CFAP410: variants seen among roughly 807,000 people sequenced by gnomAD.
CFAP410 encodes the protein cilia and flagella associated protein 410, also known as cilia- and flagella-associated protein 410.
In CFAP410, 27 loss-of-function variants were observed where a neutral mutation model predicts 25.7. The ratio of observed to expected loss-of-function variants is 1.05; its 90% CI spans 0.77 to 1.45. The LOEUF is 1.45. Among genes scored for constraint, CFAP410 ranks in the 40% most tolerant of loss-of-function variants. CFAP410 has a pLI of 0.00. For synonymous variants in CFAP410, 178 were observed against 158.4 expected, an observed-to-expected ratio of 1.12 and a Z score of -0.93; for missense variants, 428 against 354.1, an observed-to-expected ratio of 1.21 and a Z score of -1.67.
intron 3 of CFAP410, chr21:44,334,559 A>ACCCCCC (rs2047719080): frequency 4.5e-6 from 1 of 221,112 alleles, no homozygotes; most frequent in Admixed American, 8.1e-5. Flanking sequence ...GGGCACGCGC[A>ACCCCCC]CCCCTGCTCA....
intron 4 of CFAP410, chr21:44,332,761 CT>C: frequency 1.9e-6 from 1 of 529,946 alleles, no homozygotes; most frequent in Non-Finnish European, 3.4e-6. Context: ...AGAAGGAACC[CT>C]TTTGCTTTGC....
In CFAP410 at chr21:44,329,225, C is replaced by G. The variant is rs2047593107; in HGVS notation, c.*973G>C. ...CGGCATGGCCCCGAGCTTGGGAGAA[C>G]AGCGGCCTGCACACACGGTCACGCA... On this transcript the variant is annotated 3_prime_UTR_variant, in exon 7 of 7. Coordinates refer to ENST00000339818, the MANE Select transcript of CFAP410 (RefSeq NM_004928.3). 1 of 152,304 alleles carries G rather than the reference C, an allele frequency of 6.6e-6. No homozygotes were observed. Among genetic ancestry groups the G allele is most frequent in the African/African-American group, 2.4e-5 (1 of 41,460 alleles). The allele number at this position is 152,304 out of a possible 1,614,324, so 9.4% of individuals were successfully genotyped here. A position where few individuals can be genotyped will look rare whatever the true frequency, so the allele number is the denominator to read the frequency against.
At chr21:44,330,388 G>A in intron 6 of CFAP410, 62 bp from the exon 7 acceptor site, 9 of 1,580,080 alleles carry the variant, frequency 5.7e-6, no homozygotes, top group Non-Finnish European at 7.8e-6. Context: ...CCCTCCACAA[G>A]GGCTGGGGCC....
At chr21:44,334,017 C>T (rs1239342875) in intron 3 of CFAP410, 11 of 433,530 alleles carry the variant, frequency 2.5e-5, no homozygotes, top group African/African-American at 6.0e-5. Context: ...TCGGGGTTTC[C>T]CAGGTCTCAT....
At chr21:44,331,541 C>A in intron 5 of CFAP410, 1 of 416,200 alleles carries the variant, frequency 2.4e-6, no homozygotes, top group Non-Finnish European at 4.3e-6. Flanking sequence ...CAGGGGCTCC[C>A]TGCACCTCAC....
At chr21:44,331,818 A>G (rs1484396668) in intron 5 of CFAP410, 25 bp downstream of exon 5, 4 of 1,602,110 alleles carry the variant, frequency 2.5e-6, no homozygotes, top group East Asian at 4.5e-5. Flanking sequence ...TGGGCTGCGG[A>G]GTCCCCGCTG....
chr21:44,332,252 C>G, intron 4 of CFAP410: 1 of 456,798 alleles, frequency 2.2e-6, no homozygotes, highest in Non-Finnish European at 3.8e-6. Flanking sequence ...ATCTCAACAC[C>G]AGCCTTGGCC....
At position 44,339,272 on chromosome 21, in the gene CFAP410, T is replaced by A; in HGVS notation, c.-78A>T. 2 of 934,864 alleles carry A rather than the reference T, an allele frequency of 2.1e-6. No homozygotes were observed. The highest frequency in any genetic ancestry group is 3.0e-6 in the Non-Finnish European group (2 of 673,564). The allele number at this position is 934,864 out of a possible 1,614,324, so 57.9% of individuals were successfully genotyped here. A position where few individuals can be genotyped will look rare whatever the true frequency, so the allele number is the denominator to read the frequency against. On this transcript the variant is annotated 5_prime_UTR_variant, in exon 1 of 7. Coordinates refer to ENST00000339818, the MANE Select transcript of CFAP410 (RefSeq NM_004928.3). ...GGGTGACGACTGCGCGGCGCGTGTC[T>A]CCAGGGGCGGGGCCCGCGTCGTCAG...
At chr21:44,333,286 G>T (rs746027663) in intron 3 of CFAP410, 24 bp from the exon 4 acceptor site, 3 of 1,583,952 alleles carry the variant, frequency 1.9e-6, no homozygotes, top group South Asian at 2.3e-5. Flanking sequence ...AGCACAGTCA[G>T]CGAGGGACGT....
intron 5 of CFAP410, 157 bp from the exon 6 acceptor site, chr21:44,331,076 G>A (rs913599342): frequency 2.0e-5 from 14 of 687,692 alleles, no homozygotes; most frequent in Non-Finnish European, 3.4e-5. Flanking sequence ...CTCCTGGGAG[G>A]TCAGGGGCTA....
chr21:44,337,712 T>C, intron 1 of CFAP410, 45 bp from the exon 2 acceptor site: 1 of 1,561,110 alleles, frequency 6.4e-7, no homozygotes, highest in African/African-American at 1.4e-5. Context: ...TAAAGTTGAA[T>C]AAAAAACACT....
Position 44,337,638 on chromosome 21 carries a change from G to A in CFAP410, c.96+11C>T. On this transcript the variant is annotated intron_variant, in intron 2 of 6. Coordinates refer to ENST00000339818, the MANE Select transcript of CFAP410 (RefSeq NM_004928.3). ...TCAGTGCAATACTTACATCTGTGAG[G>A]CAATACTTACATCTGTGAGGCGGCT... The A allele has an allele frequency of 6.2e-7, 1 of 1,611,122 alleles. No individual in the cohort carries two copies. Among genetic ancestry groups the A allele is most frequent in the East Asian group, 2.2e-5 (1 of 44,876 alleles).
chr21:44,337,677 G>C lies in CFAP410; in HGVS notation c.78-10C>G. 6.2e-7 allele frequency: 1 copy of C among 1,610,758 alleles called. No homozygotes were observed. Among genetic ancestry groups the C allele is most frequent in the East Asian group, 2.2e-5 (1 of 44,872 alleles). ...TGTGAGGCGGCTGCCCCTGGGGAGAGAAAAGATACATACTTTAATTTTGTT... is the reference window on the plus strand; with the variant it reads ...TGTGAGGCGGCTGCCCCTGGGGAGACAAAAGATACATACTTTAATTTTGTT... On this transcript the variant is annotated splice_polypyrimidine_tract_variant and intron_variant, in intron 1 of 6. Transcript: ENST00000339818.
At chr21:44,333,359 GT>G in intron 3 of CFAP410, 97 bp from the exon 4 acceptor site, 1 of 930,804 alleles carries the variant, frequency 1.1e-6, no homozygotes, top group Non-Finnish European at 1.7e-6. Context: ...CATGGGACCT[GT>G]GTCCCTGCCC....
chr21:44,332,105 GCA>G (rs2047661723), intron 4 of CFAP410, 91 bp from the exon 5 acceptor site: 4 of 1,076,762 alleles, frequency 3.7e-6, no homozygotes, highest in Admixed American at 5.5e-5. Flanking sequence ...GTGGCTTCAG[GCA>G]CAGTCTGCTT....
chr21:44,333,523 T>A (rs1410306194), intron 3 of CFAP410: 3 of 568,838 alleles, frequency 5.3e-6, no homozygotes, highest in Non-Finnish European at 9.4e-6. Context: ...CCACATCAGC[T>A]CCTCAGGGCG....
rs2047682363 is a variant in CFAP410 at position 44,333,104 on chromosome 21, C to T, written c.302G>A (p.Gly101Asp). ...CATGCGGTAGCGGTGGGGGCTGGTG[C>T]CGCAGCACGGGTTCTCGGCCAGCCA... ...VLWLAENPCC[G>D]TSPHRYRMTV... The change falls in exon 4 of 7, where the codon GGC becomes GAC. Residue 101 changes from glycine to aspartate, a missense_variant. Gly to Asp is a moderately conservative substitution (Grantham distance 94). Transcript: ENST00000339818. The T allele has an allele frequency of 6.2e-7, 1 of 1,609,872 alleles. No individual in the cohort carries two copies. The highest frequency in any genetic ancestry group is 8.5e-7 in the Non-Finnish European group (1 of 1,178,766).
chr21:44,335,294 G>A (rs1209615290), intron 3 of CFAP410: 1 of 170,800 alleles, frequency 5.9e-6, no homozygotes, highest in Non-Finnish European at 1.3e-5. Context: ...CCCAGAAGAC[G>A]GGCACAGGTC....
intron 3 of CFAP410, chr21:44,333,765 G>C (rs959699089): frequency 1.2e-5 from 4 of 324,384 alleles, no homozygotes; most frequent in African/African-American, 4.4e-5. Flanking sequence ...ACGTGGACGC[G>C]TCAGAGAAGA....
Sources: allele counts gnomAD v4.1 joint callset, GRCh38; gene constraint gnomAD v4.1.1; transcripts MANE v1.5; gene names NCBI Gene and HGNC (gene_info 2026-07-23, HGNC 2026-07-21).